The following RPS6KA5 variants were observed in gnomAD, a reference collection of about 807,000 sequenced individuals.
RPS6KA5 encodes ribosomal protein S6 kinase A5.
Under a neutral mutation model 85.5 loss-of-function variants are expected in RPS6KA5, and 27 were observed. The ratio of observed to expected loss-of-function variants is 0.32; its 90% CI spans 0.23 to 0.44. The LOEUF is 0.44. Among genes scored for constraint, RPS6KA5 ranks in the 20% least tolerant of loss-of-function variants. RPS6KA5 has a pLI of 1.00. For missense variants in RPS6KA5, 811 were observed against 980.9 expected (o/e 0.83, Z 2.31); for synonymous variants, 334 against 348.2 (o/e 0.96, Z 0.46).
intron 2 of RPS6KA5, among the ~76,000 whole-genome samples, chr14:90,979,322 G>A (rs530794164): frequency 4.6e-5 from 7 of 152,266 alleles, no homozygotes; most frequent in Admixed American, 2.6e-4. Context: ...AAGAAGGGAA[G>A]ACAAAAAAAC....
intron 2 of RPS6KA5, among the ~76,000 whole-genome samples, chr14:90,992,239 T>A (rs2040340458): frequency 6.6e-6 from 1 of 152,228 alleles, no homozygotes. Context: ...AAGGCAGATA[T>A]ACTTACAATG....
At chr14:91,051,301 G>A (rs60906193) in intron 1 of RPS6KA5, among the ~76,000 whole-genome samples, 17,174 of 151,462 alleles carry the variant, frequency 0.11, 1,299 homozygotes, top group East Asian at 0.32. Context: ...ATCACTAGCC[G>A]GGAATGGTGG....
At chr14:90,938,523 C>T (rs1016279867) in intron 5 of RPS6KA5, among the ~76,000 whole-genome samples, 1 of 152,236 alleles carries the variant, frequency 6.6e-6, no homozygotes, top group African/African-American at 2.4e-5. Context: ...CAGAGGTTCT[C>T]CGTGAGGGCC....
intron 7 of RPS6KA5, among the ~76,000 whole-genome samples, chr14:90,914,017 A>G (rs1234535967): frequency 6.6e-6 from 1 of 152,248 alleles, no homozygotes; most frequent in Non-Finnish European, 1.5e-5. Flanking sequence ...CAGGTGATCC[A>G]GAGACCAAAA....
chr14:91,012,187 A>C (rs2041288779), intron 1 of RPS6KA5, among the ~76,000 whole-genome samples: 1 of 152,214 alleles, frequency 6.6e-6, no homozygotes, highest in South Asian at 2.1e-4. Flanking sequence ...TTGGCAAAGA[A>C]AGGAGTTTCA....
intron 15 of RPS6KA5, among the ~76,000 whole-genome samples, chr14:90,874,210 T>C (rs1329678828): frequency 6.6e-6 from 1 of 152,170 alleles, no homozygotes; most frequent in Non-Finnish European, 1.5e-5. Flanking sequence ...AGAGAGGAGC[T>C]ATTAATATCA....
chr14:91,020,986 A>G (rs1448656527), intron 1 of RPS6KA5, among the ~76,000 whole-genome samples: 2 of 152,186 alleles, frequency 1.3e-5, no homozygotes, highest in African/African-American at 4.8e-5. Flanking sequence ...ATACAACATC[A>G]GTCTGTCCCT....
intron 5 of RPS6KA5, among the ~76,000 whole-genome samples, chr14:90,931,371 G>C (rs982531922): frequency 2.0e-5 from 3 of 152,026 alleles, no homozygotes; most frequent in African/African-American, 7.3e-5. Context: ...GGTGGCTGCT[G>C]GGGGTTAGGG....
intron 14 of RPS6KA5, among the ~76,000 whole-genome samples, chr14:90,887,353 A>AT (rs57904402): frequency 4.9e-4 from 72 of 145,972 alleles, no homozygotes; most frequent in Admixed American, 6.2e-4. Flanking sequence ...GCTAATTAAA[A>AT]TTTTTTTTTT....
intron 1 of RPS6KA5, among the ~76,000 whole-genome samples, chr14:91,002,333 A>G (rs1346214882): frequency 1.3e-5 from 2 of 152,176 alleles, no homozygotes; most frequent in Non-Finnish European, 2.9e-5. Flanking sequence ...TGCAGAATTT[A>G]GGTAGTGAGT....
At chr14:90,918,077 G>C (rs566912394) in intron 7 of RPS6KA5, among the ~76,000 whole-genome samples, 1 of 152,308 alleles carries the variant, frequency 6.6e-6, no homozygotes, top group East Asian at 1.9e-4. Context: ...AGATTAGACA[G>C]TGAGTAACGT....
At chr14:90,949,796 C>CA (rs1291544765) in intron 3 of RPS6KA5, among the ~76,000 whole-genome samples, 2 of 152,088 alleles carry the variant, frequency 1.3e-5, no homozygotes, top group African/African-American at 4.8e-5. Context: ...TTACTTGGGA[C>CA]AAAGTGCTTT....
chr14:91,021,925 A>G (rs1004100198), intron 1 of RPS6KA5, among the ~76,000 whole-genome samples: 2 of 152,178 alleles, frequency 1.3e-5, no homozygotes, highest in Admixed American at 1.3e-4. Flanking sequence ...AGAAACCAAG[A>G]TCTGGGCATC....
chr14:90,997,422 C>T (rs2040577516), intron 2 of RPS6KA5, among the ~76,000 whole-genome samples: 1 of 152,046 alleles, frequency 6.6e-6, no homozygotes, highest in African/African-American at 2.4e-5. Context: ...GCTCTGTTGC[C>T]TAGGGTGGAG....
chr14:90,964,729 C>G (rs1301810031), intron 3 of RPS6KA5, among the ~76,000 whole-genome samples: 1 of 151,780 alleles, frequency 6.6e-6, no homozygotes, highest in Non-Finnish European at 1.5e-5. Flanking sequence ...GCCTGGGCAA[C>G]ATAGTGAGGC....
At chr14:90,937,283 G>GA (rs1474753212) in intron 5 of RPS6KA5, among the ~76,000 whole-genome samples, 3 of 152,026 alleles carry the variant, frequency 2.0e-5, no homozygotes, top group Non-Finnish European at 4.4e-5. Flanking sequence ...CGGGGTAGGG[G>GA]GGCAAGGAGG....
chr14:90,919,869 ATACAG>A (rs1316312688), intron 7 of RPS6KA5, among the ~76,000 whole-genome samples: 1 of 152,220 alleles, frequency 6.6e-6, no homozygotes, highest in Non-Finnish European at 1.5e-5. Flanking sequence ...TAAATTACAT[ATACAG>A]TAGAGAAAAA....
At chr14:90,879,894 C>T (rs544316265) in intron 14 of RPS6KA5, among the ~76,000 whole-genome samples, 139 of 151,498 alleles carry the variant, frequency 9.2e-4, no homozygotes, top group African/African-American at 3.3e-3. Flanking sequence ...GGCAATTCTC[C>T]TGCCTCACTC....
intron 2 of RPS6KA5, among the ~76,000 whole-genome samples, chr14:90,983,358 G>A (rs1306824252): frequency 2.6e-5 from 4 of 151,762 alleles, no homozygotes; most frequent in African/African-American, 9.7e-5. Context: ...TCAGAAATTT[G>A]AGAAGCAGAG....
Sources: gnomAD v4.1 joint callset for allele counts (sites outside exome capture counted in the v4.1 genomes callset) on GRCh38, gnomAD v4.1.1 for gene constraint, MANE v1.5 for transcripts, NCBI Gene and HGNC (gene_info 2026-07-23, HGNC 2026-07-21) for gene names.